Variants in TACC2 observed in about 807,000 individuals in gnomAD.
TACC2 encodes transforming acidic coiled-coil-containing protein 2.
Under a neutral mutation model 227.3 loss-of-function variants are expected in TACC2, and 137 were observed. The ratio of observed to expected loss-of-function variants is 0.60; its 90% CI spans 0.52 to 0.69. The LOEUF is 0.69. Ranked by LOEUF, TACC2 falls within the 30% of genes least tolerant of loss-of-function variation. The pLI, the probability that TACC2 is intolerant of heterozygous loss-of-function variation, is 0.00. For missense variants in TACC2, 3,470 were observed against 3,694.4 expected, an observed-to-expected ratio of 0.94 and a Z score of 1.57; for synonymous variants, 1,523 against 1,487.5, an observed-to-expected ratio of 1.02 and a Z score of -0.55.
chr10:122,039,685 A>G (rs556311805), intron 2 of TACC2, among the ~76,000 whole-genome samples: 1 of 152,298 alleles, frequency 6.6e-6, no homozygotes, highest in South Asian at 2.1e-4. Flanking sequence ...ACACTTTTTG[A>G]AAACAATTAA....
rs1349802298 is a variant in TACC2, at chr10:122,141,891, T to TA, written c.5700-1679dup. Among the ~76,000 whole-genome samples, 1 of 152,230 alleles carries TA rather than the reference T, an allele frequency of 6.6e-6. No homozygotes were observed. Among genetic ancestry groups the TA allele is most frequent in the Non-Finnish European group, 1.5e-5 (1 of 68,034 alleles). On this transcript the variant is annotated intron_variant, in intron 6 of 22. Transcript: ENST00000369005. The surrounding 1 kb of genome is among the most constrained non-coding windows in gnomAD (Gnocchi z 4.3). The stretch of plus-strand genomic sequence containing the variant: ...AAGTTAGACTAGTAGTTTGCGTTTG[T>TA]AAGTGGTCCATTTGCCGATTATGAG...
At chr10:122,092,068 G>A (rs1028856927) in intron 5 of TACC2, among the ~76,000 whole-genome samples, 1 of 152,228 alleles carries the variant, frequency 6.6e-6, no homozygotes, top group Non-Finnish European at 1.5e-5. Context: ...CTGTTGTTTT[G>A]TGATGGGCAT....
chr10:122,171,166 G>A (rs139672618), intron 7 of TACC2, among the ~76,000 whole-genome samples: 1 of 152,230 alleles, frequency 6.6e-6, no homozygotes, highest in Admixed American at 6.5e-5. Flanking sequence ...GGTGGGGGTG[G>A]TGGGCCTCCC....
intron 2 of TACC2, among the ~76,000 whole-genome samples, chr10:122,033,578 T>C (rs1959205615): frequency 6.6e-6 from 1 of 152,180 alleles, no homozygotes; most frequent in Admixed American, 6.5e-5. Flanking sequence ...TAAAAGAAGA[T>C]TAAATTCTGA....
intron 8 of TACC2, among the ~76,000 whole-genome samples, chr10:122,206,793 T>C (rs1376827240): frequency 2.0e-5 from 3 of 152,196 alleles, no homozygotes; most frequent in Non-Finnish European, 4.4e-5. Context: ...CAGATCTGTG[T>C]CAGTGGAGAC....
intron 16 of TACC2, among the ~76,000 whole-genome samples, chr10:122,231,599 C>T (rs1054708483): frequency 1.3e-5 from 2 of 152,166 alleles, no homozygotes; most frequent in Non-Finnish European, 2.9e-5. Flanking sequence ...TGGGTGGATC[C>T]GGGTCCCATT....
chr10:122,153,780 A>T (rs1468568905), intron 7 of TACC2, among the ~76,000 whole-genome samples: 1 of 152,210 alleles, frequency 6.6e-6, no homozygotes, highest in Non-Finnish European at 1.5e-5. Context: ...GAGAAAACGG[A>T]AGCACAGAGG....
Position 122,249,246 on chromosome 10 carries a change from A to G in TACC2, c.8660+90A>G, listed in dbSNP as rs942702776. Reference sequence around the variant, plus strand: ...TGGGACCTCTGGCAGCGCCTGTGACATTGGCTTGGAAAGGGGGCATCATCC... The same window carrying G: ...TGGGACCTCTGGCAGCGCCTGTGACGTTGGCTTGGAAAGGGGGCATCATCC... On this transcript the variant is annotated intron_variant, in intron 21 of 22. Coordinates refer to ENST00000369005, the MANE Select transcript of TACC2 (RefSeq NM_206862.4). 4 of 972,248 alleles carry G rather than the reference A, an allele frequency of 4.1e-6. No homozygotes were observed. In the Admixed American group the frequency reaches 6.4e-5, roughly 16 times the overall value. 60.2% of individuals were successfully genotyped at this position (972,248 alleles called of 1,614,324 possible).
intron 6 of TACC2, among the ~76,000 whole-genome samples, chr10:122,133,359 T>C (rs7908768): frequency 0.25 from 38,508 of 152,106 alleles, 7,136 homozygotes; most frequent in African/African-American, 0.52. Flanking sequence ...TCACTGCTCC[T>C]TCTGCCTGCA....
chr10:122,158,723 T>A (rs958267022), intron 7 of TACC2, among the ~76,000 whole-genome samples: 1 of 152,240 alleles, frequency 6.6e-6, no homozygotes, highest in African/African-American at 2.4e-5. Flanking sequence ...CCGAAGCTTG[T>A]ACTTAAGCCC....
intron 7 of TACC2, among the ~76,000 whole-genome samples, chr10:122,188,218 G>C (rs2094280793): frequency 6.6e-6 from 1 of 152,160 alleles, no homozygotes; most frequent in Non-Finnish European, 1.5e-5. Context: ...TGTCTCTTCA[G>C]ATGTGGTTCC....
intron 7 of TACC2, among the ~76,000 whole-genome samples, chr10:122,155,518 A>C (rs2092404002): frequency 6.6e-6 from 1 of 152,162 alleles, no homozygotes; most frequent in African/African-American, 2.4e-5. Context: ...GATGGATAAC[A>C]TTGGTTATGT....
intron 11 of TACC2, among the ~76,000 whole-genome samples, chr10:122,224,343 C>T (rs2141297497): frequency 6.6e-6 from 1 of 152,214 alleles, no homozygotes; most frequent in East Asian, 1.9e-4. Context: ...ATGTATCATC[C>T]CACGTGTCTC....
intron 1 of TACC2, among the ~76,000 whole-genome samples, chr10:122,009,694 G>A (rs1173897552): frequency 6.6e-6 from 1 of 152,114 alleles, no homozygotes; most frequent in Non-Finnish European, 1.5e-5. Flanking sequence ...TTGGGAGGCC[G>A]AAGCAGGTGG....
rs536000069 is a variant in TACC2 at position 122,103,117 on chromosome 10, T to G, written c.5573+14526T>G. ...AAAAAAAAGAAAGAAAGAAGGAAAGTTCCTCAGAGTTCACCAGTGAAATGG... is the reference window on the plus strand; with the variant it reads ...AAAAAAAAGAAAGAAAGAAGGAAAGGTCCTCAGAGTTCACCAGTGAAATGG... On this transcript the variant is annotated intron_variant, in intron 5 of 22. Coordinates refer to ENST00000369005, the MANE Select transcript of TACC2 (RefSeq NM_206862.4). Among the ~76,000 whole-genome samples the G allele has an allele frequency of 2.6e-5, 4 of 152,148 alleles. 1 individual carries two copies. The highest frequency in any genetic ancestry group is 2.6e-4 in the Admixed American group (4 of 15,278).
chr10:122,135,363 G>C (rs1191434166), intron 6 of TACC2, among the ~76,000 whole-genome samples: 1 of 152,230 alleles, frequency 6.6e-6, no homozygotes, highest in Non-Finnish European at 1.5e-5. Context: ...GAATGCAGGA[G>C]GGGACCAGTG....
At chr10:122,220,068 CA>C (rs2095494542) in intron 11 of TACC2, among the ~76,000 whole-genome samples, 1 of 151,530 alleles carries the variant, frequency 6.6e-6, no homozygotes, top group Non-Finnish European at 1.5e-5. Flanking sequence ...AGAAAGAAGC[CA>C]ACTTGAGCTG....
chr10:122,128,108 G>A (rs575035924), intron 5 of TACC2, among the ~76,000 whole-genome samples: 5 of 152,114 alleles, frequency 3.3e-5, no homozygotes, highest in Non-Finnish European at 5.9e-5. Flanking sequence ...GCCTGAGAGC[G>A]AGGGACAAGG....
intron 7 of TACC2, among the ~76,000 whole-genome samples, chr10:122,167,927 C>T (rs1025299481): frequency 5.9e-5 from 9 of 151,988 alleles, no homozygotes; most frequent in African/African-American, 1.9e-4. Flanking sequence ...CACTCTGTTG[C>T]GCAGGCTCAT....
Sources: allele counts gnomAD v4.1 joint callset (sites outside exome capture counted in the v4.1 genomes callset), GRCh38; gene constraint gnomAD v4.1.1; non-coding constraint Gnocchi (gnomAD v3.1); transcripts MANE v1.5; gene names NCBI Gene and HGNC (gene_info 2026-07-23, HGNC 2026-07-21).